Variants in VPS8 observed in about 807,000 individuals in gnomAD.
VPS8 encodes the protein VPS8 subunit of CORVET complex.
VPS8 carries 129 observed loss-of-function variants against 216.4 expected under a neutral mutation model. That is an observed-to-expected ratio of 0.60 (90% confidence interval 0.52 to 0.69). The LOEUF is 0.69. VPS8 is among the 30% of genes least tolerant of loss of function. The pLI, the probability that VPS8 is intolerant of heterozygous loss-of-function variation, is 0.00. For missense variants in VPS8, 1,531 were observed against 1,683.5 expected, an observed-to-expected ratio of 0.91 and a Z score of 1.59; for synonymous variants, 571 against 565.4, an observed-to-expected ratio of 1.01 and a Z score of -0.14.
At chr3:184,869,658 C>A in intron 20 of VPS8, 130 bp downstream of exon 20, 1 of 809,576 alleles carries the variant, frequency 1.2e-6, no homozygotes, top group Non-Finnish European at 1.9e-6. Flanking sequence ...CACACACACA[C>A]ACAGACACAC....
intron 23 of VPS8, among the ~76,000 whole-genome samples, chr3:184,895,380 G>A (rs1194977680): frequency 6.6e-6 from 1 of 151,934 alleles, no homozygotes; most frequent in Non-Finnish European, 1.5e-5. Flanking sequence ...TATGTCCAGA[G>A]TTTTGAAATA....
At chr3:184,855,021 C>T (rs1724983206) in intron 13 of VPS8, among the ~76,000 whole-genome samples, 1 of 152,056 alleles carries the variant, frequency 6.6e-6, no homozygotes, top group South Asian at 2.1e-4. Context: ...TCTCTGGGCC[C>T]TAGGGGAAGC....
At chr3:184,925,130 G>C in intron 30 of VPS8, 149 bp downstream of exon 30, 1 of 1,057,324 alleles carries the variant, frequency 9.5e-7, no homozygotes, top group South Asian at 1.7e-5. Context: ...AGTTAGGGGG[G>C]TATGTGTATA....
At chr3:185,034,599 C>T (rs932478091) in intron 46 of VPS8, among the ~76,000 whole-genome samples, 6 of 143,458 alleles carry the variant, frequency 4.2e-5, no homozygotes, top group African/African-American at 8.1e-5. Flanking sequence ...CTGTTTGCTT[C>T]GTTGATAGTT....
intron 45 of VPS8, among the ~76,000 whole-genome samples, chr3:185,015,685 A>C (rs1432816036): frequency 1.3e-5 from 2 of 152,228 alleles, no homozygotes; most frequent in Admixed American, 1.3e-4. Flanking sequence ...AGAGTTATCG[A>C]GAATACCCAC....
intron 46 of VPS8, among the ~76,000 whole-genome samples, chr3:185,025,545 A>T (rs1757223612): frequency 6.6e-6 from 1 of 152,190 alleles, no homozygotes; most frequent in Non-Finnish European, 1.5e-5. Context: ...TAAAAACAAA[A>T]TATGTTGTCT....
At chr3:184,959,797 T>A (rs908569042) in intron 37 of VPS8, among the ~76,000 whole-genome samples, 6 of 152,118 alleles carry the variant, frequency 3.9e-5, no homozygotes, top group Non-Finnish European at 8.8e-5. Flanking sequence ...GCACTCTTTT[T>A]CTTTTTTCTT....
intron 34 of VPS8, among the ~76,000 whole-genome samples, chr3:184,931,972 A>T (rs1313567625): frequency 2.0e-5 from 3 of 152,154 alleles, no homozygotes; most frequent in Non-Finnish European, 2.9e-5. Flanking sequence ...ATGAGCAAAC[A>T]TTGCTCAGCA....
chr3:185,031,978 A>G (rs1443267202), intron 46 of VPS8, among the ~76,000 whole-genome samples: 1 of 152,206 alleles, frequency 6.6e-6, no homozygotes, highest in African/African-American at 2.4e-5. Flanking sequence ...AGCCTGACCA[A>G]CATGATGAAA....
chr3:185,005,933 T>C (rs893540455), intron 45 of VPS8, among the ~76,000 whole-genome samples: 3 of 152,186 alleles, frequency 2.0e-5, no homozygotes, highest in Non-Finnish European at 4.4e-5. Context: ...TCCAGTACTA[T>C]GTTGAATAAA....
chr3:185,013,761 T>G (rs1755386008), intron 45 of VPS8, among the ~76,000 whole-genome samples: 1 of 152,238 alleles, frequency 6.6e-6, no homozygotes, highest in Non-Finnish European at 1.5e-5. Context: ...ACCGTACTTC[T>G]TACCATTTCT....
chr3:184,970,155 A>C (rs1033849835), intron 39 of VPS8, among the ~76,000 whole-genome samples: 2 of 151,316 alleles, frequency 1.3e-5, no homozygotes, highest in African/African-American at 4.9e-5. Context: ...AGGGTGATCC[A>C]CCCACTTCGG....
intron 45 of VPS8, among the ~76,000 whole-genome samples, chr3:185,010,766 C>G (rs955130381): frequency 1.3e-5 from 2 of 152,122 alleles, no homozygotes; most frequent in Non-Finnish European, 2.9e-5. Context: ...CTTTGGGAGG[C>G]CAAGGCAGGA....
At chr3:184,840,931 A>G (rs994893532) in intron 7 of VPS8, among the ~76,000 whole-genome samples, 1 of 152,114 alleles carries the variant, frequency 6.6e-6, no homozygotes, top group Non-Finnish European at 1.5e-5. Flanking sequence ...ATCCTTATTT[A>G]CCATGGAAGT....
intron 39 of VPS8, among the ~76,000 whole-genome samples, chr3:184,967,783 G>A (rs919695265): frequency 1.3e-5 from 2 of 150,958 alleles, no homozygotes; most frequent in Admixed American, 1.3e-4. Context: ...GTTGCAATGA[G>A]CGGAGATTGC....
At chr3:184,870,658 A>G (rs979801639) in intron 20 of VPS8, 58 bp from the exon 21 acceptor site, 300 of 1,298,914 alleles carry the variant, frequency 2.3e-4, no homozygotes, top group Admixed American at 1.9e-4. Context: ...AGCCACATAC[A>G]TATTGAAAAA....
At position 184,838,734 on chromosome 3, in the gene VPS8, G is replaced by A. The variant is rs904040123; in HGVS notation, c.468G>A (p.Leu156=). Residue 156 remains leucine, a synonymous_variant, in exon 6 of 48, where the codon TTG becomes TTA. Transcript: ENST00000625842. ...VSAADKVDAG[L]PTAIAVSSLI... ...TTTAGGACAAAGTAGATGCTGGCTT[G>A]CCTACAGCAATTGTAAGTATACTTT... The A allele has an allele frequency of 6.5e-7, 1 of 1,543,290 alleles. No homozygotes were observed. Among genetic ancestry groups the A allele is most frequent in the Admixed American group, 2.1e-5 (1 of 48,492 alleles).
At chr3:184,947,858 T>C (rs373095762) in intron 36 of VPS8, among the ~76,000 whole-genome samples, 5 of 152,340 alleles carry the variant, frequency 3.3e-5, no homozygotes, top group African/African-American at 9.6e-5. Flanking sequence ...TGTGTAACTT[T>C]AGCTTGCAGG....
intron 18 of VPS8, chr3:184,868,278 G>A: frequency 4.1e-6 from 2 of 491,892 alleles, no homozygotes; most frequent in Non-Finnish European, 3.6e-6. Context: ...AATAATAGTG[G>A]CTTAAATAAG....
Sources: gnomAD v4.1 joint callset for allele counts (sites outside exome capture counted in the v4.1 genomes callset) on GRCh38, gnomAD v4.1.1 for gene constraint, MANE v1.5 for transcripts, NCBI Gene and HGNC (gene_info 2026-07-23, HGNC 2026-07-21) for gene names.